FAAH2: variants seen among roughly 807,000 people sequenced by gnomAD.
The protein encoded by FAAH2 is fatty-acid amide hydrolase 2.
FAAH2 carries 60 observed loss-of-function variants against 36.9 expected under a neutral mutation model. The ratio of observed to expected loss-of-function variants is 1.63; its 90% CI spans 1.32 to 2.02. The LOEUF is 2.02. Ranked by LOEUF, FAAH2 falls within the 30% of genes most tolerant of loss-of-function variation. The pLI is 0.00. For synonymous variants in FAAH2, 214 were observed against 143.8 expected, an observed-to-expected ratio of 1.49 and a Z score of -3.49; for missense variants, 689 against 397.5, an observed-to-expected ratio of 1.73 and a Z score of -6.23.
the FAAH2 span, among the ~76,000 whole-genome samples, chrX:57,152,009 C>G: frequency 8.9e-6 from 1 of 111,946 alleles, no homozygotes; most frequent in Non-Finnish European, 1.9e-5. Context: ...GAGTTTGCTA[C>G]AGGTCCACTC....
At chrX:57,390,479 T>C (rs1369843194) in intron 7 of FAAH2, among the ~76,000 whole-genome samples, 1 of 111,408 alleles carries the variant, frequency 9.0e-6, no homozygotes, top group Non-Finnish European at 1.9e-5. Context: ...TCAGCCCTCA[T>C]CTACCTCCCA....
At chrX:57,169,560 A>C in the FAAH2 span, among the ~76,000 whole-genome samples, 1 of 25,951 alleles carries the variant, frequency 3.9e-5, no homozygotes, top group African/African-American at 3.1e-4. Flanking sequence ...ATATATATAT[A>C]TATATATATG....
At chrX:57,385,008 T>G (rs2054975609) in intron 7 of FAAH2, among the ~76,000 whole-genome samples, 1 of 111,178 alleles carries the variant, frequency 9.0e-6, no homozygotes, top group Non-Finnish European at 1.9e-5. Flanking sequence ...GAAACCATTA[T>G]TCTCAGCAAA....
intron 4 of FAAH2, among the ~76,000 whole-genome samples, chrX:57,335,991 G>C (rs1391247177): frequency 1.8e-5 from 2 of 111,357 alleles, no homozygotes; most frequent in Non-Finnish European, 3.8e-5. Flanking sequence ...ACAAGGTTGG[G>C]GGTAGGGTTA....
chrX:57,233,654 T>C, the FAAH2 span, among the ~76,000 whole-genome samples: 1 of 112,039 alleles, frequency 8.9e-6, no homozygotes, highest in South Asian at 3.7e-4. Context: ...TTTTGTTTTG[T>C]TTTTGGAGAC....
the FAAH2 span, among the ~76,000 whole-genome samples, chrX:57,221,296 C>T: frequency 9.0e-6 from 1 of 111,515 alleles, no homozygotes; most frequent in Admixed American, 9.5e-5. Context: ...TTCTAACTTT[C>T]TTCTACTCCT....
At chrX:57,379,086 C>T (rs962203875) in intron 6 of FAAH2, among the ~76,000 whole-genome samples, 1 of 111,927 alleles carries the variant, frequency 8.9e-6, no homozygotes, top group African/African-American at 3.2e-5. Flanking sequence ...ACTTTAAGTT[C>T]AGCCTTTCTG....
At chrX:57,149,992 T>C in the FAAH2 span, among the ~76,000 whole-genome samples, 1 of 111,727 alleles carries the variant, frequency 9.0e-6, no homozygotes, top group Non-Finnish European at 1.9e-5. Flanking sequence ...AGAACATCTT[T>C]ATTTCTGCCT....
intron 3 of FAAH2, among the ~76,000 whole-genome samples, chrX:57,315,234 A>G (rs2052802673): frequency 9.0e-6 from 1 of 111,392 alleles, no homozygotes; most frequent in South Asian, 3.7e-4. Context: ...GAACAGCCCA[A>G]TATTGAGCTG....
At chrX:57,246,742 G>A in the FAAH2 span, among the ~76,000 whole-genome samples, 1 of 112,057 alleles carries the variant, frequency 8.9e-6, no homozygotes, top group African/African-American at 3.2e-5. Flanking sequence ...GGCATTAAAA[G>A]TCCACTTAAT....
intron 10 of FAAH2, among the ~76,000 whole-genome samples, chrX:57,470,872 C>A (rs901717312): frequency 1.8e-5 from 2 of 111,483 alleles, no homozygotes; most frequent in African/African-American, 6.5e-5. Flanking sequence ...CCGAATCCAG[C>A]AGCACATAAA....
chrX:57,268,147 A>T, the FAAH2 span, among the ~76,000 whole-genome samples: 1 of 112,229 alleles, frequency 8.9e-6, no homozygotes, highest in Middle Eastern at 4.2e-3. Context: ...CAGAATAGAG[A>T]CGAACATAAC....
At chrX:57,326,361 G>C (rs1330032367) in intron 3 of FAAH2, among the ~76,000 whole-genome samples, 7 of 114,284 alleles carry the variant, frequency 6.1e-5, no homozygotes, top group Non-Finnish European at 7.4e-5. Context: ...AGGTCCGCTT[G>C]GTGCAGAGCT....
the FAAH2 span, among the ~76,000 whole-genome samples, chrX:57,232,871 A>AT: frequency 3.1e-4 from 35 of 112,415 alleles, no homozygotes; most frequent in African/African-American, 1.0e-3. Context: ...TCTTGTAGAA[A>AT]TTTTTTATGT....
chrX:57,314,381 C>A (rs1363700984), intron 3 of FAAH2, among the ~76,000 whole-genome samples: 1 of 111,053 alleles, frequency 9.0e-6, no homozygotes, highest in Non-Finnish European at 1.9e-5. Context: ...AACACTTGAG[C>A]AATTGCGCTT....
intron 7 of FAAH2, among the ~76,000 whole-genome samples, chrX:57,402,709 T>G (rs1355960250): frequency 1.8e-5 from 2 of 111,894 alleles, no homozygotes; most frequent in Admixed American, 1.9e-4. Flanking sequence ...TAGACATCAT[T>G]GAATAATTTA....
At chrX:57,443,256 T>C (rs767364254) in intron 8 of FAAH2, among the ~76,000 whole-genome samples, 2 of 111,963 alleles carry the variant, frequency 1.8e-5, no homozygotes, top group Admixed American at 9.5e-5. Context: ...ACCAATCAGA[T>C]GTAGATTTGG....
chrX:57,149,216 C>T, the FAAH2 span, among the ~76,000 whole-genome samples: 32,000 of 110,393 alleles, frequency 0.29, 3,602 homozygotes, highest in Middle Eastern at 0.57. Flanking sequence ...GTCTACAATT[C>T]TCTTTTTTGG....
rs1003412150 is a variant in FAAH2, at chrX:57,309,407, T to A, written c.276-1186T>A. Among the ~76,000 whole-genome samples, 13 of 112,314 alleles carry A rather than the reference T, an allele frequency of 1.2e-4. No homozygotes were observed. The Admixed American group carries it at 1.2e-3, about 11-fold the overall frequency. On this transcript the variant is annotated intron_variant, in intron 2 of 10. Coordinates refer to ENST00000374900, the MANE Select transcript of FAAH2 (RefSeq NM_174912.4). Reference sequence around the variant, plus strand: ...TCTTTTCACTTACATTAAATGACATTACATCATAGGAATTTCCGAAGTGCA... The same window carrying A: ...TCTTTTCACTTACATTAAATGACATAACATCATAGGAATTTCCGAAGTGCA...
Sources: gnomAD v4.1 joint callset for allele counts (sites outside exome capture counted in the v4.1 genomes callset) on GRCh38, gnomAD v4.1.1 for gene constraint, MANE v1.5 for transcripts, NCBI Gene and HGNC (gene_info 2026-07-23, HGNC 2026-07-21) for gene names.